DENND1A: variants seen among roughly 807,000 people sequenced by gnomAD.
DENND1A encodes the protein DENN domain containing 1A, also known as DENN domain-containing protein 1A.
A neutral mutation model predicts 113.7 loss-of-function variants in DENND1A; 51 were observed. The observed-to-expected ratio is 0.45, with a 90% CI of 0.36 to 0.57. The LOEUF (loss-of-function observed/expected upper bound fraction) is 0.57, where lower values mean the gene tolerates loss of function less well. DENND1A is among the 20% of genes least tolerant of loss of function. The pLI is 0.00. For missense variants in DENND1A, 1,258 were observed against 1,395.9 expected (o/e 0.90, Z 1.57); for synonymous variants, 565 against 570.8 (o/e 0.99, Z 0.14).
At chr9:123,525,967 G>A (rs2054807527) in intron 13 of DENND1A, among the ~76,000 whole-genome samples, 1 of 151,902 alleles carries the variant, frequency 6.6e-6, no homozygotes, top group South Asian at 2.1e-4. Context: ...TGTCACCCAG[G>A]CTGGTCTCAA....
At chr9:123,812,644 C>T (rs1836809753) in intron 2 of DENND1A, among the ~76,000 whole-genome samples, 1 of 152,138 alleles carries the variant, frequency 6.6e-6, no homozygotes, top group South Asian at 2.1e-4. Context: ...CTGCCACTCT[C>T]ATGTATAAAA....
At chr9:123,695,113 A>C (rs2065428023) in intron 5 of DENND1A, among the ~76,000 whole-genome samples, 1 of 152,068 alleles carries the variant, frequency 6.6e-6, no homozygotes, top group Admixed American at 6.5e-5. Flanking sequence ...CAAGTTCTTC[A>C]GTTTTGGGAC....
chr9:123,525,328 T>C (rs1471307193), intron 13 of DENND1A, among the ~76,000 whole-genome samples: 2 of 152,136 alleles, frequency 1.3e-5, no homozygotes, highest in Non-Finnish European at 2.9e-5. Context: ...AATTTACTCT[T>C]GTTGGGGGTA....
rs551525699 is a variant in DENND1A at position 123,388,009 on chromosome 9, C to T, written c.1632-151G>A. On this transcript the variant is annotated intron_variant, in intron 21 of 23. Coordinates refer to ENST00000394215, the MANE Select transcript of DENND1A (RefSeq NM_001352964.2). ...GTGGGGGCTCTCAGGAGAGGAAGCT[C>T]GTTCCAGATAGAAAAGAAACTAAAT... Among the ~76,000 whole-genome samples, 5 of 152,282 alleles carry T rather than the reference C, an allele frequency of 3.3e-5. No homozygotes were observed. The South Asian group carries it at 1.0e-3, about 32-fold the overall frequency.
chr9:123,563,869 G>A (rs913061458), intron 12 of DENND1A, among the ~76,000 whole-genome samples: 2 of 152,098 alleles, frequency 1.3e-5, no homozygotes, highest in African/African-American at 4.8e-5. Flanking sequence ...GCAAACCTGG[G>A]ATATTCTTTA....
intron 8 of DENND1A, among the ~76,000 whole-genome samples, chr9:123,663,870 A>ATACT (rs1269667580): frequency 6.6e-6 from 1 of 152,234 alleles, no homozygotes; most frequent in East Asian, 1.9e-4. Context: ...AACCAAAAGA[A>ATACT]TACTTCTGTC....
chr9:123,878,127 C>T (rs1006439330), intron 2 of DENND1A, among the ~76,000 whole-genome samples: 19 of 151,530 alleles, frequency 1.3e-4, no homozygotes, highest in Admixed American at 6.6e-5. Flanking sequence ...CACTTGAACC[C>T]GGGAGGCAGA....
At chr9:123,827,391 T>A (rs898815241) in intron 2 of DENND1A, among the ~76,000 whole-genome samples, 4 of 118,992 alleles carry the variant, frequency 3.4e-5, no homozygotes, top group Non-Finnish European at 6.6e-5. Flanking sequence ...AATGGATATA[T>A]AATATATATA....
chr9:123,784,351 G>A (rs72757135), intron 3 of DENND1A, among the ~76,000 whole-genome samples: 2,626 of 152,294 alleles, frequency 0.017, 31 homozygotes, highest in Middle Eastern at 0.058. Context: ...TGATTGTAGC[G>A]TCACTGGCTT....
At chr9:123,909,782 T>C (rs951596765) in intron 1 of DENND1A, among the ~76,000 whole-genome samples, 2 of 151,968 alleles carry the variant, frequency 1.3e-5, no homozygotes, top group African/African-American at 2.4e-5. Flanking sequence ...TGTATACATA[T>C]AAAATAAAAA....
intron 1 of DENND1A, among the ~76,000 whole-genome samples, chr9:123,887,419 T>C (rs1242548672): frequency 6.6e-6 from 1 of 151,530 alleles, no homozygotes; most frequent in African/African-American, 2.4e-5. Context: ...AACAACCTGG[T>C]GTGGGAAGTC....
At chr9:123,757,677 C>T in intron 5 of DENND1A, 26 bp downstream of exon 5, 1 of 1,608,792 alleles carries the variant, frequency 6.2e-7, no homozygotes, top group Non-Finnish European at 8.5e-7. Context: ...AGAGAACAAG[C>T]CAACAGCCCA....
chr9:123,747,686 G>A (rs1482029701), intron 5 of DENND1A, among the ~76,000 whole-genome samples: 1 of 152,090 alleles, frequency 6.6e-6, no homozygotes, highest in Non-Finnish European at 1.5e-5. Flanking sequence ...CTTTCACTTA[G>A]AATGCAATAT....
chr9:123,439,234 C>A (rs147470590), intron 19 of DENND1A, among the ~76,000 whole-genome samples: 1 of 152,168 alleles, frequency 6.6e-6, no homozygotes, highest in Non-Finnish European at 1.5e-5. Context: ...TTCTTTCTTG[C>A]GTTTCAATTT....
chr9:123,835,604 T>C (rs554884193), intron 2 of DENND1A, among the ~76,000 whole-genome samples: 2 of 151,098 alleles, frequency 1.3e-5, no homozygotes, highest in Admixed American at 1.3e-4. Flanking sequence ...CACAAACTAC[T>C]ATTCGTTTAC....
At chr9:123,570,066 C>G (rs1316401714) in intron 12 of DENND1A, among the ~76,000 whole-genome samples, 1 of 152,156 alleles carries the variant, frequency 6.6e-6, no homozygotes, top group Non-Finnish European at 1.5e-5. Flanking sequence ...ATTCCTGGTT[C>G]ACACCTCCAA....
At chr9:123,481,909 C>A (rs2050372432) in intron 13 of DENND1A, among the ~76,000 whole-genome samples, 1 of 149,888 alleles carries the variant, frequency 6.7e-6, no homozygotes, top group African/African-American at 2.5e-5. Flanking sequence ...AATTCTCATG[C>A]CTCAGCTACC....
intron 4 of DENND1A, among the ~76,000 whole-genome samples, chr9:123,766,611 G>A (rs1459861032): frequency 6.6e-6 from 1 of 152,132 alleles, no homozygotes; most frequent in African/African-American, 2.4e-5. Context: ...CTACTGAAAC[G>A]TATTTGTCTG....
At chr9:123,923,613 A>G (rs910192294) in intron 1 of DENND1A, among the ~76,000 whole-genome samples, 3 of 152,240 alleles carry the variant, frequency 2.0e-5, no homozygotes, top group African/African-American at 7.2e-5. Flanking sequence ...AGCTATCATA[A>G]GCCAACACTG....
Sources: allele counts gnomAD v4.1 joint callset (sites outside exome capture counted in the v4.1 genomes callset), GRCh38; gene constraint gnomAD v4.1.1; transcripts MANE v1.5; gene names NCBI Gene and HGNC (gene_info 2026-07-23, HGNC 2026-07-21).